The following GABBR2 variants were observed in gnomAD, a reference collection of about 807,000 sequenced individuals.
The protein encoded by GABBR2 is gamma-aminobutyric acid type B receptor subunit 2.
In GABBR2, 23 loss-of-function variants were observed where a neutral mutation model predicts 105.6. The ratio of observed to expected loss-of-function variants is 0.22; its 90% CI spans 0.16 to 0.31. The LOEUF is 0.31. GABBR2 is among the 10% of genes least tolerant of loss of function. The pLI, the probability that GABBR2 is intolerant of heterozygous loss-of-function variation, is 1.00. For synonymous variants in GABBR2, 478 were observed against 499.7 expected (o/e 0.96, Z 0.58); for missense variants, 734 against 1,245.5 (o/e 0.59, Z 6.18).
chr9:98,405,812 A>T (rs762258677), intron 8 of GABBR2, among the ~76,000 whole-genome samples: 1 of 152,156 alleles, frequency 6.6e-6, no homozygotes, highest in African/African-American at 2.4e-5. Flanking sequence ...GGAATCATCC[A>T]TTTTTTTCCT....
intron 3 of GABBR2, among the ~76,000 whole-genome samples, chr9:98,538,951 C>A (rs1828236030): frequency 6.6e-6 from 1 of 152,164 alleles, no homozygotes; most frequent in African/African-American, 2.4e-5. Context: ...GCCAGCAATA[C>A]CAGCAAGCAG....
chr9:98,703,861 A>T (rs1830863060), intron 1 of GABBR2, among the ~76,000 whole-genome samples: 1 of 151,788 alleles, frequency 6.6e-6, no homozygotes, highest in Non-Finnish European at 1.5e-5. Flanking sequence ...ATTTTATTGT[A>T]TTGAGATTTA....
intron 13 of GABBR2, among the ~76,000 whole-genome samples, chr9:98,342,016 G>A (rs1222701460): frequency 3.9e-5 from 6 of 152,056 alleles, no homozygotes; most frequent in Non-Finnish European, 8.8e-5. Flanking sequence ...GTGGGTGCTG[G>A]GGACACACAG....
chr9:98,584,937 T>C (rs12337255), intron 1 of GABBR2, among the ~76,000 whole-genome samples: 26,837 of 152,202 alleles, frequency 0.18, 2,557 homozygotes, highest in Non-Finnish European at 0.21. Context: ...CTCTGCTTCT[T>C]AGAAAATTCT....
chr9:98,310,005 G>C (rs1198954170), intron 14 of GABBR2, among the ~76,000 whole-genome samples: 1 of 152,134 alleles, frequency 6.6e-6, no homozygotes, highest in East Asian at 1.9e-4. Flanking sequence ...TGGAGAGAGG[G>C]CTTCATTTTT....
At chr9:98,507,172 C>T (rs1234478922) in intron 3 of GABBR2, among the ~76,000 whole-genome samples, 3 of 152,106 alleles carry the variant, frequency 2.0e-5, no homozygotes, top group African/African-American at 7.2e-5. Context: ...TCATGCCCTT[C>T]CCCCAACAAT....
At chr9:98,376,871 T>C (rs933744896) in intron 11 of GABBR2, among the ~76,000 whole-genome samples, 2 of 152,048 alleles carry the variant, frequency 1.3e-5, no homozygotes, top group Non-Finnish European at 2.9e-5. Flanking sequence ...TTAGAAGCCT[T>C]GGGGCAAATC....
intron 1 of GABBR2, among the ~76,000 whole-genome samples, chr9:98,592,113 T>C (rs190955568): frequency 5.9e-5 from 9 of 152,296 alleles, no homozygotes; most frequent in Admixed American, 5.9e-4. Flanking sequence ...ATGAAAACTC[T>C]GGAGAGGCTC....
intron 1 of GABBR2, among the ~76,000 whole-genome samples, chr9:98,647,970 TTC>T (rs1830048872): frequency 6.6e-6 from 1 of 151,900 alleles, no homozygotes; most frequent in African/African-American, 2.4e-5. Flanking sequence ...TTTTTTTTTT[TTC>T]TCCAAATAAA....
intron 3 of GABBR2, among the ~76,000 whole-genome samples, chr9:98,537,644 C>A (rs1828208881): frequency 6.6e-6 from 1 of 151,828 alleles, no homozygotes; most frequent in Non-Finnish European, 1.5e-5. Flanking sequence ...GTCATGTTCT[C>A]CAGGCTGGTC....
intron 1 of GABBR2, among the ~76,000 whole-genome samples, chr9:98,579,335 A>C (rs1230361141): frequency 2.0e-5 from 3 of 152,184 alleles, no homozygotes; most frequent in Admixed American, 2.0e-4. Context: ...CAGCATAGGA[A>C]TGGAAAGAGG....
At chr9:98,538,514 C>A in intron 3 of GABBR2, 1 of 690,216 alleles carries the variant, frequency 1.4e-6, no homozygotes, top group South Asian at 6.4e-5. Context: ...AGACCCAAGT[C>A]CTGAGCAGCC....
chr9:98,599,895 G>C (rs772178445), intron 1 of GABBR2, among the ~76,000 whole-genome samples: 1 of 152,190 alleles, frequency 6.6e-6, no homozygotes, highest in African/African-American at 2.4e-5. Context: ...AGCCCGGTCT[G>C]GCTAAAGCAG....
In GABBR2 at chr9:98,486,949, C is replaced by A. The variant is rs550934568; in HGVS notation, c.733-5952G>T. ...AGACCCCACCCCCCACTGGAAATGT[C>A]CATAAAGGCAGAGAAGCATATGCTT... On this transcript the variant is annotated intron_variant, in intron 4 of 18. Coordinates refer to ENST00000259455, the MANE Select transcript of GABBR2 (RefSeq NM_005458.8). 2.0e-5 allele frequency among the ~76,000 whole-genome samples: 3 copies of A among 152,196 alleles called. No individual in the cohort carries two copies. The East Asian group carries it at 5.8e-4, about 29-fold the overall frequency.
intron 1 of GABBR2, among the ~76,000 whole-genome samples, chr9:98,684,858 C>T (rs1830601185): frequency 6.6e-6 from 1 of 152,192 alleles, no homozygotes; most frequent in African/African-American, 2.4e-5. Flanking sequence ...GAATTCTGGG[C>T]TTTCCTCAAG....
chr9:98,643,578 G>A (rs949404854), intron 1 of GABBR2, among the ~76,000 whole-genome samples: 6 of 152,152 alleles, frequency 3.9e-5, no homozygotes, highest in Non-Finnish European at 8.8e-5. Context: ...ATAAGACCAC[G>A]AGCTCCTTGC....
intron 8 of GABBR2, among the ~76,000 whole-genome samples, chr9:98,398,526 C>T (rs1832334692): frequency 6.6e-6 from 1 of 152,078 alleles, no homozygotes; most frequent in African/African-American, 2.4e-5. Context: ...TGGAAAGGTC[C>T]TCCTCATTCC....
chr9:98,610,781 GA>G (rs574843345), intron 1 of GABBR2, among the ~76,000 whole-genome samples: 2,003 of 143,860 alleles, frequency 0.014, 42 homozygotes, highest in African/African-American at 0.048. Context: ...AGGACTGTGA[GA>G]AAAAAAAAAA....
At chr9:98,523,211 C>T (rs1827898850) in intron 3 of GABBR2, among the ~76,000 whole-genome samples, 2 of 151,870 alleles carry the variant, frequency 1.3e-5, no homozygotes, top group South Asian at 4.2e-4. Context: ...GTGAAAGAAA[C>T]CTACATATAA....
Sources: allele counts gnomAD v4.1 joint callset (sites outside exome capture counted in the v4.1 genomes callset), GRCh38; gene constraint gnomAD v4.1.1; transcripts MANE v1.5; gene names NCBI Gene and HGNC (gene_info 2026-07-23, HGNC 2026-07-21).